The following UBE2D3 variants were observed in gnomAD, a reference collection of about 807,000 sequenced individuals.
UBE2D3 encodes ubiquitin-conjugating enzyme E2 D3.
In UBE2D3, 2 loss-of-function variants were observed where a neutral mutation model predicts 22.8. The ratio of observed to expected loss-of-function variants is 0.09; its 90% confidence interval spans 0.04 to 0.28. UBE2D3 has a LOEUF of 0.28. UBE2D3 is among the 10% of genes least tolerant of loss of function. The pLI, the probability that UBE2D3 is intolerant of heterozygous loss-of-function variation, is 1.00. For synonymous variants in UBE2D3, 56 were observed against 60.4 expected, an observed-to-expected ratio of 0.93 and a Z score of 0.34; for missense variants, 27 against 182.5, an observed-to-expected ratio of 0.15 and a Z score of 4.91.
At chr4:102,815,034 AT>A (rs1728597227) in intron 2 of UBE2D3, among the ~76,000 whole-genome samples, 1 of 151,920 alleles carries the variant, frequency 6.6e-6, no homozygotes, top group Non-Finnish European at 1.5e-5. Context: ...CTGAACAAAA[AT>A]ATTTAGCGTA....
At chr4:102,819,451 C>T (rs1264638029) in intron 2 of UBE2D3, 7 of 415,986 alleles carry the variant, frequency 1.7e-5, no homozygotes, top group Non-Finnish European at 2.3e-5. Flanking sequence ...CAGCCATGTT[C>T]CAGGAGCCCA....
chr4:102,802,344 T>C (rs1726293393), intron 5 of UBE2D3: 2 of 350,814 alleles, frequency 5.7e-6, no homozygotes, highest in African/African-American at 4.2e-5. Context: ...ATGGTCTGAA[T>C]CTTGCAACAT....
intron 4 of UBE2D3, among the ~76,000 whole-genome samples, chr4:102,806,526 C>A (rs994377877): frequency 6.6e-6 from 1 of 151,996 alleles, no homozygotes; most frequent in African/African-American, 2.4e-5. Context: ...AAAAAATAAT[C>A]CTTATGGACC....
rs568941912 is a variant in UBE2D3 at position 102,802,827 on chromosome 4, C to A, written c.121-189G>T. On this transcript the variant is annotated intron_variant, in intron 4 of 7. Transcript: ENST00000453744. ...ACTTAAAACTTATACAGTAATAAACCCTAATTTATCTAGTCATTTTACACG... is the reference window on the plus strand; with the variant it reads ...ACTTAAAACTTATACAGTAATAAACACTAATTTATCTAGTCATTTTACACG... 1.0e-5 allele frequency: 4 copies of A among 389,578 alleles called. No homozygotes were observed. In the South Asian group the frequency reaches 2.5e-4, roughly 24 times the overall value. The allele number at this position is 389,578 out of a possible 1,614,324, so 24.1% of individuals were successfully genotyped here.
chr4:102,848,933 G>A (rs1348164116), intron 1 of UBE2D3, among the ~76,000 whole-genome samples: 1 of 117,090 alleles, frequency 8.5e-6, no homozygotes, highest in Non-Finnish European at 1.9e-5. Context: ...GTGTGTGTGT[G>A]TGTGTGTGTG....
intron 1 of UBE2D3, among the ~76,000 whole-genome samples, chr4:102,842,220 TGAGG>T (rs1731792142): frequency 1.3e-5 from 2 of 150,838 alleles, no homozygotes; most frequent in African/African-American, 4.9e-5. Flanking sequence ...GTATTTTGAC[TGAGG>T]GAGTAAAGTT....
At chr4:102,815,957 T>C (rs555701681) in intron 2 of UBE2D3, among the ~76,000 whole-genome samples, 1 of 152,318 alleles carries the variant, frequency 6.6e-6, no homozygotes, top group Admixed American at 6.5e-5. Flanking sequence ...TAGTACCCAA[T>C]AGTAACAAAA....
chr4:102,821,032 C>T (rs1036627817), intron 2 of UBE2D3, among the ~76,000 whole-genome samples: 1 of 152,020 alleles, frequency 6.6e-6, no homozygotes, highest in Admixed American at 6.6e-5. Flanking sequence ...TTTTCCCTTC[C>T]CTACATAACA....
At chr4:102,803,092 A>G (rs1408066157) in intron 4 of UBE2D3, among the ~76,000 whole-genome samples, 2 of 152,160 alleles carry the variant, frequency 1.3e-5, no homozygotes, top group Non-Finnish European at 2.9e-5. Context: ...CACACACACC[A>G]CCTTCAAGAG....
chr4:102,846,575 C>T (rs1405595950), intron 1 of UBE2D3, among the ~76,000 whole-genome samples: 1 of 152,152 alleles, frequency 6.6e-6, no homozygotes, highest in Non-Finnish European at 1.5e-5. Flanking sequence ...GAGAAGGCCT[C>T]AATTCTCTGA....
intron 2 of UBE2D3, among the ~76,000 whole-genome samples, chr4:102,822,900 C>T (rs185633012): frequency 6.7e-6 from 1 of 148,170 alleles, no homozygotes; most frequent in Admixed American, 6.8e-5. Context: ...CGCGCCACTG[C>T]ACTCCAGCCT....
At chr4:102,856,908 G>A (rs867293477) in intron 1 of UBE2D3, among the ~76,000 whole-genome samples, 3 of 152,098 alleles carry the variant, frequency 2.0e-5, no homozygotes, top group Admixed American at 2.0e-4. Context: ...GGTAGGTAGG[G>A]GTAAATAGGT....
chr4:102,827,239 G>A, intron 1 of UBE2D3, 188 bp downstream of exon 1: 3 of 976,712 alleles, frequency 3.1e-6, no homozygotes, highest in Non-Finnish European at 3.7e-6. Context: ...GCTTAGGCGC[G>A]AGGACGCGCC....
chr4:102,837,099 AT>A (rs1560883153), intron 1 of UBE2D3: 1 of 152,174 alleles, frequency 6.6e-6, no homozygotes, highest in Non-Finnish European at 1.5e-5. Flanking sequence ...CAGTCACACT[AT>A]GTCTATTTTT....
Position 102,804,371 on chromosome 4 carries a change from G to A in UBE2D3, c.121-1733C>T, listed in dbSNP as rs374890244. Reference sequence around the variant, plus strand: ...GAGATGGGGCTTCACCATGTTGGCTGAACTCTTAACTCCTGACCCCAGGTG... The same window carrying A: ...GAGATGGGGCTTCACCATGTTGGCTAAACTCTTAACTCCTGACCCCAGGTG... On this transcript the variant is annotated intron_variant, in intron 4 of 7. Transcript: ENST00000453744. 6.6e-5 allele frequency among the ~76,000 whole-genome samples: 10 copies of A among 151,758 alleles called. No individual in the cohort carries two copies. In the South Asian group the frequency reaches 8.3e-4, roughly 13 times the overall value.
chr4:102,834,431 C>A (rs1274568431), intron 1 of UBE2D3, among the ~76,000 whole-genome samples: 1 of 152,070 alleles, frequency 6.6e-6, no homozygotes, highest in African/African-American at 2.4e-5. Context: ...CCCTGCCTAA[C>A]AAATTAGACC....
chr4:102,868,884 G>A (rs1733322143), upstream of UBE2D3: 2 of 1,484,886 alleles, frequency 1.3e-6, no homozygotes, highest in Non-Finnish European at 9.2e-7. Flanking sequence ...CCGCGCCTCG[G>A]CAGTCCGCCG....
chr4:102,798,277 TGA>T (rs1725521461), intron 7 of UBE2D3, among the ~76,000 whole-genome samples: 1 of 127,754 alleles, frequency 7.8e-6, no homozygotes, highest in Non-Finnish European at 1.6e-5. Flanking sequence ...CCTTAAGAAA[TGA>T]ATATATATAT....
chr4:102,856,050 G>C (rs1288921073), intron 1 of UBE2D3, among the ~76,000 whole-genome samples: 1 of 152,124 alleles, frequency 6.6e-6, no homozygotes, highest in East Asian at 1.9e-4. Flanking sequence ...GAGATTATTA[G>C]GTGTGGAAAA....
Sources: allele counts gnomAD v4.1 joint callset (sites outside exome capture counted in the v4.1 genomes callset), GRCh38; gene constraint gnomAD v4.1.1; transcripts MANE v1.5; gene names NCBI Gene and HGNC (gene_info 2026-07-23, HGNC 2026-07-21).